The following USP4 variants were observed in gnomAD, a reference collection of about 807,000 sequenced individuals.
USP4 encodes ubiquitin specific peptidase 4, also known as ubiquitin carboxyl-terminal hydrolase 4.
A neutral mutation model predicts 118.2 loss-of-function variants in USP4; 72 were observed. That is an observed-to-expected ratio of 0.61 (90% CI 0.50 to 0.74). USP4 has a LOEUF of 0.74. Among genes scored for constraint, USP4 ranks in the 30% least tolerant of loss-of-function variants. USP4 has a pLI of 0.00. For missense variants in USP4, 1,037 were observed against 1,185.7 expected, an observed-to-expected ratio of 0.87 and a Z score of 1.84; for synonymous variants, 415 against 440.4, an observed-to-expected ratio of 0.94 and a Z score of 0.72.
At chr3:49,312,541 A>G in intron 6 of USP4, 1 of 451,532 alleles carries the variant, frequency 2.2e-6, no homozygotes. Flanking sequence ...AATTGCTTGA[A>G]CCCGGGAGGC....
chr3:49,284,614 G>A (rs1428009303), intron 17 of USP4, 30 bp from the exon 18 acceptor site: 2 of 1,592,714 alleles, frequency 1.3e-6, no homozygotes, highest in South Asian at 2.2e-5. Flanking sequence ...CAGTTCTGCT[G>A]GAGAAAGAGA....
At chr3:49,305,134 G>C (rs1161389015) in intron 9 of USP4, among the ~76,000 whole-genome samples, 5 of 150,336 alleles carry the variant, frequency 3.3e-5, no homozygotes, top group Admixed American at 6.7e-5. Flanking sequence ...GTGCAGAGGC[G>C]CAATCTCGGC....
Position 49,283,987 on chromosome 3 carries a change from C to T in USP4, c.2540G>A (p.Arg847Lys). ...TAACACTGTAGTCACCATGACCCAC[C>T]TGATTGGGAATTCTACGACTGTGTC... is the stretch of plus-strand genomic sequence containing the variant. Reference protein sequence around the residue: ...KLDTVVEFPIRGLNMSEFVCN... With the variant: ...KLDTVVEFPIKGLNMSEFVCN... Residue 847 changes from arginine (R) to lysine (K), a missense_variant and splice_region_variant, in exon 19 of 22, where the codon AGA (arginine) becomes AAA (lysine). Coordinates refer to ENST00000265560, the MANE Select transcript of USP4 (RefSeq NM_003363.4). The T allele has an allele frequency of 6.2e-7, 1 of 1,614,240 alleles. No homozygotes were observed. Among genetic ancestry groups the T allele is most frequent in the Non-Finnish European group, 8.5e-7 (1 of 1,180,038 alleles).
At chr3:49,279,271 T>C (rs1416504132) in intron 20 of USP4, 1 of 156,592 alleles carries the variant, frequency 6.4e-6, no homozygotes, top group African/African-American at 2.4e-5. Flanking sequence ...AAACAATAGC[T>C]CTCACAAGGA....
chr3:49,335,656 GC>G, intron 1 of USP4, 60 bp from the exon 2 acceptor site: 1 of 1,594,208 alleles, frequency 6.3e-7, no homozygotes, highest in Non-Finnish European at 8.6e-7. Flanking sequence ...TTCTGCAGCT[GC>G]TTCCTTAATC....
intron 2 of USP4, among the ~76,000 whole-genome samples, chr3:49,334,740 C>G (rs569641820): frequency 1.1e-4 from 17 of 152,224 alleles, no homozygotes; most frequent in African/African-American, 4.1e-4. Context: ...TGGTCTCGAA[C>G]TCCTGACCTC....
intron 6 of USP4, 194 bp from the exon 7 acceptor site, chr3:49,311,848 C>A: frequency 1.6e-6 from 2 of 1,277,382 alleles, no homozygotes; most frequent in Non-Finnish European, 2.0e-6. Context: ...GTCTTCCTGT[C>A]ACATCAGTCC....
intron 18 of USP4, 36 bp from the exon 19 acceptor site, chr3:49,284,172 G>T (rs558533180): frequency 1.2e-6 from 2 of 1,613,110 alleles, no homozygotes; most frequent in East Asian, 2.2e-5. Context: ...AGGGCAAGCC[G>T]GCAGCCAGTG....
intron 8 of USP4, among the ~76,000 whole-genome samples, chr3:49,306,961 T>G (rs908033321): frequency 4.4e-4 from 67 of 151,758 alleles, no homozygotes; most frequent in African/African-American, 1.6e-3. Context: ...ATTTTGTATT[T>G]TTAGTAGAGA....
At chr3:49,332,576 C>T (rs946914319) in intron 2 of USP4, among the ~76,000 whole-genome samples, 2 of 151,982 alleles carry the variant, frequency 1.3e-5, no homozygotes, top group Non-Finnish European at 2.9e-5. Flanking sequence ...AGGCCAGGCA[C>T]AGTAGCTCAT....
intron 2 of USP4, among the ~76,000 whole-genome samples, chr3:49,329,839 G>A (rs1038658532): frequency 2.0e-5 from 3 of 152,032 alleles, no homozygotes; most frequent in Non-Finnish European, 4.4e-5. Flanking sequence ...TAAATAATAA[G>A]ACTTGAAAGT....
chr3:49,301,246 C>T (rs757560106), intron 10 of USP4, among the ~76,000 whole-genome samples: 2 of 152,090 alleles, frequency 1.3e-5, no homozygotes, highest in Non-Finnish European at 2.9e-5. Flanking sequence ...CGCCCTAATC[C>T]TCACACTTAA....
chr3:49,325,982 CAG>C (rs2047550458), intron 3 of USP4, 137 bp from the exon 4 acceptor site: 1 of 1,161,510 alleles, frequency 8.6e-7, no homozygotes, highest in Admixed American at 2.5e-5. Flanking sequence ...ATCAAAAGAA[CAG>C]ATTTTTAAAG....
chr3:49,331,390 G>A (rs1450443879), intron 2 of USP4, among the ~76,000 whole-genome samples: 2 of 151,634 alleles, frequency 1.3e-5, no homozygotes, highest in African/African-American at 4.8e-5. Context: ...GGAGGTCAAG[G>A]CGGGTGGATC....
At position 49,302,381 on chromosome 3, in the gene USP4, T is replaced by C. The variant is rs991976609; in HGVS notation, c.1287+3A>G. On this transcript the variant is annotated splice_donor_region_variant and intron_variant, in intron 10 of 21. Coordinates refer to ENST00000265560, the MANE Select transcript of USP4 (RefSeq NM_003363.4). ...TATCATTCAGACATCATTAATGGCATACCGCATCTGGCCGCCCATTGGCAT... is the reference window on the plus strand; with the variant it reads ...TATCATTCAGACATCATTAATGGCACACCGCATCTGGCCGCCCATTGGCAT... 6.2e-7 allele frequency: 1 copy of C among 1,613,532 alleles called. No individual in the cohort carries two copies. Among genetic ancestry groups the C allele is most frequent in the African/African-American group, 1.3e-5 (1 of 74,986 alleles).
At chr3:49,300,393 A>G in intron 11 of USP4, 74 bp downstream of exon 11, 1 of 1,385,362 alleles carries the variant, frequency 7.2e-7, no homozygotes, top group East Asian at 2.3e-5. Context: ...CCAATGCAGC[A>G]GATAGGAGCA....
At chr3:49,284,660 T>C in intron 17 of USP4, 76 bp from the exon 18 acceptor site, 1 of 1,374,676 alleles carries the variant, frequency 7.3e-7, no homozygotes, top group Non-Finnish European at 1.0e-6. Context: ...CTACAGAGGC[T>C]CTCCCACCTG....
Position 49,286,232 on chromosome 3 carries a change from G to A in USP4, c.2066C>T (p.Pro689Leu), listed in dbSNP as rs761077333. The change falls in exon 16 of 22, where the codon CCC becomes CTC. Residue 689 changes from proline (P) to leucine (L), a missense_variant. Coordinates refer to ENST00000265560, the MANE Select transcript of USP4 (RefSeq NM_003363.4). The stretch of plus-strand genomic sequence containing the variant: ...GATCTTCTTTTGGGTGGTCTCACTG[G>A]GGTCATTTCCTGGCTCATCTTCCCC... The part of the protein sequence containing the change: ...GSGEDEPGND[P>L]SETTQKKIKG... The A allele has an allele frequency of 3.1e-6, 5 of 1,614,076 alleles. No homozygotes were observed. The highest frequency in any genetic ancestry group is 4.2e-6 in the Non-Finnish European group (5 of 1,180,018).
At chr3:49,320,495 G>A (rs1395466691) in intron 6 of USP4, among the ~76,000 whole-genome samples, 1 of 152,154 alleles carries the variant, frequency 6.6e-6, no homozygotes, top group African/African-American at 2.4e-5. Context: ...CGTCCAGGCT[G>A]GAGTGCAATG....
Sources: gnomAD v4.1 joint callset for allele counts (sites outside exome capture counted in the v4.1 genomes callset) on GRCh38, gnomAD v4.1.1 for gene constraint, MANE v1.5 for transcripts, NCBI Gene and HGNC (gene_info 2026-07-23, HGNC 2026-07-21) for gene names.